Variants in PLXDC2 observed in about 807,000 individuals in gnomAD.
PLXDC2 encodes plexin domain containing 2, also known as plexin domain-containing protein 2.
Under a neutral mutation model 68.9 loss-of-function variants are expected in PLXDC2, and 40 were observed. The observed-to-expected ratio is 0.58, with a 90% CI of 0.45 to 0.76. The LOEUF (loss-of-function observed/expected upper bound fraction) is 0.76. Ranked by LOEUF, PLXDC2 falls within the 30% of genes least tolerant of loss-of-function variation. PLXDC2 has a pLI of 0.00. For synonymous variants in PLXDC2, 243 were observed against 234.2 expected, an observed-to-expected ratio of 1.04 and a Z score of -0.34; for missense variants, 644 against 661.9, an observed-to-expected ratio of 0.97 and a Z score of 0.30.
rs564201754 is a variant in PLXDC2, at chr10:20,093,307, A to T, written c.541+25068A>T. 4.7e-4 allele frequency among the ~76,000 whole-genome samples: 72 copies of T among 152,294 alleles called. 1 individual carries two copies. In the South Asian group the frequency reaches 0.014, roughly 29 times the overall value. ...AGACCATAATAATTTAGGAGAATGT[A>T]TGAGAAATATTAGGAGAATATTAAT... is the stretch of plus-strand genomic sequence containing the variant. On this transcript the variant is annotated intron_variant, in intron 4 of 13. Transcript: ENST00000377252.
chr10:20,196,292 G>A (rs1327623056), intron 9 of PLXDC2, among the ~76,000 whole-genome samples: 1 of 152,248 alleles, frequency 6.6e-6, no homozygotes, highest in East Asian at 1.9e-4. Context: ...GATTTCTGTG[G>A]CTAAAGAGGC....
intron 1 of PLXDC2, among the ~76,000 whole-genome samples, chr10:19,890,235 T>C (rs1837928498): frequency 6.6e-6 from 1 of 152,154 alleles, no homozygotes; most frequent in Non-Finnish European, 1.5e-5. Flanking sequence ...TTTTTAAAAA[T>C]TTTAATTTTG....
intron 12 of PLXDC2, among the ~76,000 whole-genome samples, chr10:20,245,043 G>A (rs1835570544): frequency 6.6e-6 from 1 of 152,214 alleles, no homozygotes; most frequent in Non-Finnish European, 1.5e-5. Flanking sequence ...GAACCCAGGA[G>A]GCAGAGGTTG....
intron 1 of PLXDC2, among the ~76,000 whole-genome samples, chr10:19,819,030 A>G (rs919740551): frequency 1.2e-4 from 12 of 102,622 alleles, no homozygotes; most frequent in Admixed American, 2.0e-4. Context: ...GAATATATGT[A>G]TACACACACA....
chr10:20,193,903 T>A (rs1354321559), intron 9 of PLXDC2, among the ~76,000 whole-genome samples: 1 of 151,636 alleles, frequency 6.6e-6, no homozygotes, highest in African/African-American at 2.4e-5. Flanking sequence ...ACAAATCTGA[T>A]GTAGAAAAAG....
chr10:19,848,832 G>GT (rs199761850), intron 1 of PLXDC2, among the ~76,000 whole-genome samples: 5,581 of 151,958 alleles, frequency 0.037, 107 homozygotes, highest in Middle Eastern at 0.048. Context: ...AGGATGGCAG[G>GT]TTTTTTTAAT....
chr10:19,980,434 C>G (rs554257582), intron 1 of PLXDC2, among the ~76,000 whole-genome samples: 1 of 152,294 alleles, frequency 6.6e-6, no homozygotes, highest in African/African-American at 2.4e-5. Flanking sequence ...GCATAAACAA[C>G]AGACGTGTAT....
At chr10:19,996,387 GCCTGGGCTACAAAGTGAGACC>G (rs1834842779) in intron 1 of PLXDC2, among the ~76,000 whole-genome samples, 1 of 152,160 alleles carries the variant, frequency 6.6e-6, no homozygotes, top group Non-Finnish European at 1.5e-5. Context: ...TTTGAGGCCA[GCCTGGGCTACAAAGTGAGACC>G]CCATCTCTAC....
At chr10:20,214,242 T>TA (rs1835107251) in intron 10 of PLXDC2, among the ~76,000 whole-genome samples, 1 of 152,164 alleles carries the variant, frequency 6.6e-6, no homozygotes, top group Non-Finnish European at 1.5e-5. Flanking sequence ...GTGATCTAAA[T>TA]AGTGTGGTCA....
chr10:20,059,383 A>G (rs114308571), intron 3 of PLXDC2, among the ~76,000 whole-genome samples: 2,508 of 152,334 alleles, frequency 0.016, 65 homozygotes, highest in African/African-American at 0.057. Flanking sequence ...GCTGGGAACC[A>G]TGCAGTGAGA....
intron 9 of PLXDC2, among the ~76,000 whole-genome samples, chr10:20,202,692 A>C (rs1834936582): frequency 6.6e-6 from 1 of 152,168 alleles, no homozygotes; most frequent in Admixed American, 6.5e-5. Context: ...AAATCAGTCA[A>C]GTCTTTAGAG....
chr10:20,259,405 G>A (rs797013472), intron 13 of PLXDC2, among the ~76,000 whole-genome samples: 1 of 152,158 alleles, frequency 6.6e-6, no homozygotes, highest in South Asian at 2.1e-4. Flanking sequence ...AGCAATGAAA[G>A]CAGCATAATT....
At chr10:20,152,172 T>C (rs1834161117) in intron 6 of PLXDC2, among the ~76,000 whole-genome samples, 1 of 152,130 alleles carries the variant, frequency 6.6e-6, no homozygotes, top group Admixed American at 6.5e-5. Flanking sequence ...CAGTGCACAC[T>C]AAATGATGAA....
chr10:20,001,906 G>A lies in PLXDC2; in HGVS notation c.244G>A (p.Val82Ile), dbSNP rs138761663. The change falls in exon 2 of 14, where the codon GTC (valine) becomes ATC (isoleucine). Residue 82 changes from valine to isoleucine, a missense_variant. This residue lies in a region of PLXDC2 where 201 missense variants were observed against 166.9 expected (regional missense o/e 1.20). Coordinates refer to ENST00000377252, the MANE Select transcript of PLXDC2 (RefSeq NM_032812.9). The stretch of plus-strand genomic sequence containing the variant: ...GGCGGTAGACACGAACCGAGCAAGC[G>A]TCGGCCAAGACTCTCCTGAGCCCAG... ...LKAVDTNRAS[V>I]GQDSPEPRSF... 4.4e-4 allele frequency: 705 copies of A among 1,613,610 alleles called. 3 individuals carry two copies. In the African/African-American group the frequency reaches 8.4e-3, roughly 19 times the overall value.
At chr10:19,945,270 G>C (rs561450272) in intron 1 of PLXDC2, among the ~76,000 whole-genome samples, 1 of 152,292 alleles carries the variant, frequency 6.6e-6, no homozygotes, top group East Asian at 1.9e-4. Flanking sequence ...CCTAGTAACT[G>C]TAATGTGGCT....
At chr10:20,089,315 A>C (rs993196165) in intron 4 of PLXDC2, among the ~76,000 whole-genome samples, 2 of 152,134 alleles carry the variant, frequency 1.3e-5, no homozygotes, top group African/African-American at 4.8e-5. Flanking sequence ...AAGAAGTAAC[A>C]TTTGGCTTGA....
At chr10:20,236,544 G>T (rs1466244658) in intron 12 of PLXDC2, among the ~76,000 whole-genome samples, 2 of 152,090 alleles carry the variant, frequency 1.3e-5, no homozygotes, top group African/African-American at 4.8e-5. Context: ...TTAAAAGTTA[G>T]ATGTCATAAA....
chr10:20,079,886 C>T (rs1836520550), intron 4 of PLXDC2, among the ~76,000 whole-genome samples: 2 of 151,958 alleles, frequency 1.3e-5, no homozygotes, highest in Non-Finnish European at 2.9e-5. Context: ...ACCACCATGG[C>T]ACATGTATAC....
At chr10:19,878,704 T>A (rs1345566529) in intron 1 of PLXDC2, among the ~76,000 whole-genome samples, 1 of 152,238 alleles carries the variant, frequency 6.6e-6, no homozygotes, top group Non-Finnish European at 1.5e-5. Flanking sequence ...TTGCATTGCA[T>A]AGTTTTCACA....
Sources: gnomAD v4.1 joint callset for allele counts (sites outside exome capture counted in the v4.1 genomes callset) on GRCh38, gnomAD v4.1.1 for gene constraint, gnomAD v4.1.1 regional missense constraint, MANE v1.5 for transcripts, NCBI Gene and HGNC (gene_info 2026-07-23, HGNC 2026-07-21) for gene names.